The following NFE2L2 variants were observed in gnomAD, a reference collection of about 807,000 sequenced individuals.
The protein encoded by NFE2L2 is nuclear factor erythroid 2-related factor 2.
Under a neutral mutation model 49.6 loss-of-function variants are expected in NFE2L2, and 20 were observed. The ratio of observed to expected loss-of-function variants is 0.40; its 90% CI spans 0.28 to 0.59. NFE2L2 has a LOEUF of 0.59. Ranked by LOEUF, NFE2L2 falls within the 20% of genes least tolerant of loss-of-function variation. The probability of loss-of-function intolerance (pLI) is 0.40; values close to 1 mark genes in which losing one functional copy is unlikely to be tolerated. For missense variants in NFE2L2, 578 were observed against 714.2 expected (o/e 0.81, Z 2.17); for synonymous variants, 244 against 256.5 (o/e 0.95, Z 0.47).
intron 1 of NFE2L2, 53 bp downstream of exon 1, chr2:177,264,479 T>TC: frequency 6.7e-7 from 1 of 1,501,602 alleles, no homozygotes; most frequent in South Asian, 1.2e-5. Context: ...GTTCCCTAGC[T>TC]CCCCCGCCCC....
At chr2:177,241,444 T>C (rs939627936) in intron 1 of NFE2L2, among the ~76,000 whole-genome samples, 2 of 152,236 alleles carry the variant, frequency 1.3e-5, no homozygotes, top group Non-Finnish European at 2.9e-5. Context: ...TGTCTAAGTA[T>C]TTCTGAAGAA....
chr2:177,232,508 T>A lies in NFE2L2; in HGVS notation c.478A>T (p.Asn160Tyr). ...GAAGTTTCAGGTGACTGAGCCTGAT[T>A]AGTAGCAATGAAGACTGGGCTCTCG... is the stretch of plus-strand genomic sequence containing the variant. ...HIESPVFIAT[N>Y]QAQSPETSVA... is the part of the protein sequence containing the mutation. Residue 160 changes from asparagine to tyrosine, a missense_variant, in exon 4 of 5, where the codon AAT (asparagine) becomes TAT (tyrosine). Physicochemically the swap from Asn to Tyr is moderately radical, Grantham distance 143. This residue lies in a region of NFE2L2 where 368 missense variants were observed against 384.6 expected (regional missense o/e 0.96). Coordinates refer to ENST00000397062, the MANE Select transcript of NFE2L2 (RefSeq NM_006164.5). 1.9e-6 allele frequency: 3 copies of A among 1,614,114 alleles called. No individual in the cohort carries two copies. In the East Asian group the frequency reaches 6.7e-5, roughly 36 times the overall value.
At chr2:177,255,986 G>C in intron 1 of NFE2L2, 1 of 154,662 alleles carries the variant, frequency 6.5e-6, no homozygotes, top group Middle Eastern at 5.3e-4. Flanking sequence ...TAAGGAAAAT[G>C]AGAGTTTTTT....
At position 177,231,809 on chromosome 2, in the gene NFE2L2, T is replaced by A; in HGVS notation, c.794A>T (p.Gln265Leu). 1.2e-6 allele frequency: 2 copies of A among 1,614,234 alleles called. No homozygotes were observed. Among genetic ancestry groups the A allele is most frequent in the Non-Finnish European group, 1.7e-6 (2 of 1,180,030 alleles). ...TGAATTTAATGAGTTCACTGTCAAC[T>A]GGTTGGGGTCTTCTGTGGAGAGGAT... Reference protein sequence around the residue: ...SSILSTEDPNQLTVNSLNSDA... With the variant: ...SSILSTEDPNLLTVNSLNSDA... The change falls in exon 5 of 5, where the codon CAG becomes CTG. Residue 265 changes from glutamine (Q) to leucine (L), a missense_variant. Transcript: ENST00000397062.
intron 1 of NFE2L2, among the ~76,000 whole-genome samples, chr2:177,253,021 T>G (rs1249254768): frequency 6.6e-6 from 1 of 152,228 alleles, no homozygotes; most frequent in African/African-American, 2.4e-5. Context: ...ACATGAGCAC[T>G]GAAGGCCCTC....
chr2:177,239,496 G>A (rs1689869932), intron 1 of NFE2L2, among the ~76,000 whole-genome samples: 1 of 152,262 alleles, frequency 6.6e-6, no homozygotes, highest in Admixed American at 6.5e-5. Context: ...GGGCAACATG[G>A]TGAAACCCTG....
At chr2:177,248,315 C>G (rs186938958) in intron 1 of NFE2L2, among the ~76,000 whole-genome samples, 40 of 152,288 alleles carry the variant, frequency 2.6e-4, no homozygotes, top group Admixed American at 2.4e-3. Flanking sequence ...TGGAAACTGA[C>G]CCTTAGAGAA....
rs769038613 is a variant in NFE2L2, at chr2:177,230,973, C to T, written c.1630G>A (p.Gly544Arg). ...AGGTGAAGGCTTTTGTCATTTTCTC[C>T]TTTTTCTTTGAGCAATTTTTCTTTT... ...DEKEKLLKEK[G>R]ENDKSLHLLK... Residue 544 changes from glycine (G) to arginine (R), a missense_variant, in exon 5 of 5, where the codon GGA becomes AGA. By Grantham distance (125) the Gly-to-Arg change is moderately radical (BLOSUM62 -2). Coordinates refer to ENST00000397062, the MANE Select transcript of NFE2L2 (RefSeq NM_006164.5). 1.2e-6 allele frequency: 2 copies of T among 1,609,654 alleles called. No homozygotes were observed. The highest frequency in any genetic ancestry group is 1.7e-6 in the Non-Finnish European group (2 of 1,179,018).
intron 1 of NFE2L2, among the ~76,000 whole-genome samples, chr2:177,258,377 A>C (rs946038209): frequency 2.0e-5 from 3 of 152,058 alleles, no homozygotes; most frequent in African/African-American, 7.2e-5. Context: ...CATTTACATG[A>C]TATGTCCAGA....
At chr2:177,263,911 A>T in intron 1 of NFE2L2, 1 of 985,582 alleles carries the variant, frequency 1.0e-6, no homozygotes, top group Non-Finnish European at 1.2e-6. Flanking sequence ...CAAGGCTGCC[A>T]GAGAGTGATC....
At chr2:177,256,833 G>A (rs1242333944) in intron 1 of NFE2L2, among the ~76,000 whole-genome samples, 1 of 152,228 alleles carries the variant, frequency 6.6e-6, no homozygotes, top group African/African-American at 2.4e-5. Flanking sequence ...GGAGGCCACA[G>A]TGGACAGAGT....
intron 1 of NFE2L2, among the ~76,000 whole-genome samples, chr2:177,255,071 G>C (rs551818483): frequency 6.6e-6 from 1 of 152,290 alleles, no homozygotes; most frequent in African/African-American, 2.4e-5. Context: ...AGTGAACTTT[G>C]GAAACCTGTA....
In NFE2L2 at chr2:177,264,121, C is replaced by T. The variant is rs1460482624; in HGVS notation, c.45+411G>A. On this transcript the variant is annotated intron_variant, in intron 1 of 4. Coordinates refer to ENST00000397062, the MANE Select transcript of NFE2L2 (RefSeq NM_006164.5). The stretch of plus-strand genomic sequence containing the variant: ...ACCGAGGCGGGGGAGCCGCGCAGCC[C>T]CGGAAGGGCCGGGCCGCGCCGGCTC... Among the ~76,000 whole-genome samples the T allele has an allele frequency of 1.3e-5, 2 of 152,106 alleles. 1 individual carries two copies. The highest frequency in any genetic ancestry group is 4.1e-4 in the South Asian group (2 of 4,830).
At chr2:177,260,843 T>C (rs776538768) in intron 1 of NFE2L2, among the ~76,000 whole-genome samples, 8 of 152,288 alleles carry the variant, frequency 5.3e-5, no homozygotes, top group South Asian at 2.1e-4. Flanking sequence ...ATCTTGGACA[T>C]TGCCAAACAT....
chr2:177,259,463 G>GTAAAAAA (rs1184968475), intron 1 of NFE2L2, among the ~76,000 whole-genome samples: 1 of 152,100 alleles, frequency 6.6e-6, no homozygotes, highest in Non-Finnish European at 1.5e-5. Context: ...TACATATGCC[G>GTAAAAAA]TAAAAACGAA....
chr2:177,231,981 C>T lies in NFE2L2; in HGVS notation c.622G>A (p.Val208Ile), dbSNP rs1356445764. Residue 208 changes from valine to isoleucine, a missense_variant, in exon 5 of 5, where the codon GTT becomes ATT. Coordinates refer to ENST00000397062, the MANE Select transcript of NFE2L2 (RefSeq NM_006164.5). ...GGACTTGGAACCATGGTAGTCTCAA[C>T]CAGCTTGTCATTTTCAATATTAAGA... Reference protein sequence around the residue: ...QCLNIENDKLVETTMVPSPEA... With the variant: ...QCLNIENDKLIETTMVPSPEA... The T allele has an allele frequency of 1.2e-6, 2 of 1,610,074 alleles. No homozygotes were observed. The highest frequency in any genetic ancestry group is 1.1e-5 in the South Asian group (1 of 90,564).
At chr2:177,263,770 C>G in intron 1 of NFE2L2, 3 of 985,510 alleles carry the variant, frequency 3.0e-6, no homozygotes, top group African/African-American at 1.7e-5. Context: ...TCCGGGTGCC[C>G]GAGCCCGAAC....
chr2:177,237,867 TA>T (rs1689806591), intron 1 of NFE2L2, among the ~76,000 whole-genome samples: 1 of 152,206 alleles, frequency 6.6e-6, no homozygotes, highest in African/African-American at 2.4e-5. Flanking sequence ...TTCTTCTCAG[TA>T]AATCTAGATA....
rs2105454330 is a variant in NFE2L2, at chr2:177,231,938, T to A, written c.665A>T (p.Glu222Val). The change falls in exon 5 of 5, where the codon GAA (glutamate) becomes GTA (valine). Residue 222 changes from glutamate (E) to valine (V), a missense_variant. Coordinates refer to ENST00000397062, the MANE Select transcript of NFE2L2 (RefSeq NM_006164.5). Reference protein sequence around the residue: ...MVPSPEAKLTEVDNYHFYSSI... With the variant: ...MVPSPEAKLTVVDNYHFYSSI... ...TGAGTAAAAATGATAATTGTCAACT[T>A]CTGTCAGTTTGGCTTCTGGACTTGG... 1 of 1,614,130 alleles carries A rather than the reference T, an allele frequency of 6.2e-7. No individual in the cohort carries two copies. Among genetic ancestry groups the A allele is most frequent in the South Asian group, 1.1e-5 (1 of 91,078 alleles).
Sources: allele counts gnomAD v4.1 joint callset (sites outside exome capture counted in the v4.1 genomes callset), GRCh38; gene constraint gnomAD v4.1.1; regional missense constraint gnomAD v4.1.1; transcripts MANE v1.5; gene names NCBI Gene and HGNC (gene_info 2026-07-23, HGNC 2026-07-21).